ARHGAP24: variants seen among roughly 807,000 people sequenced by gnomAD.
ARHGAP24 encodes rho GTPase-activating protein 24.
ARHGAP24 carries 50 observed loss-of-function variants against 76.4 expected under a neutral mutation model. The ratio of observed to expected loss-of-function variants is 0.65; its 90% CI spans 0.52 to 0.83. The LOEUF (loss-of-function observed/expected upper bound fraction) is 0.83. Among genes scored for constraint, ARHGAP24 ranks in the 40% least tolerant of loss-of-function variants. The pLI is 0.00. For synonymous variants in ARHGAP24, 345 were observed against 323.3 expected, an observed-to-expected ratio of 1.07 and a Z score of -0.72; for missense variants, 930 against 914.2, an observed-to-expected ratio of 1.02 and a Z score of -0.22.
intron 3 of ARHGAP24, among the ~76,000 whole-genome samples, chr4:85,783,591 A>C (rs1325363294): frequency 3.9e-5 from 6 of 152,116 alleles, no homozygotes; most frequent in African/African-American, 1.4e-4. Context: ...TGACAAATAC[A>C]TAAGGGGGCA....
chr4:85,729,450 T>G (rs1725306005), intron 3 of ARHGAP24, among the ~76,000 whole-genome samples: 1 of 152,212 alleles, frequency 6.6e-6, no homozygotes, highest in Admixed American at 6.5e-5. Flanking sequence ...TTTTAATCCT[T>G]TGGAATTCTG....
At chr4:85,848,740 A>G (rs1019328159) in intron 3 of ARHGAP24, among the ~76,000 whole-genome samples, 12 of 152,268 alleles carry the variant, frequency 7.9e-5, no homozygotes, top group African/African-American at 2.6e-4. Flanking sequence ...CAGCTTTGTC[A>G]AAGATCAGAT....
chr4:85,914,134 T>C (rs1348153419), intron 3 of ARHGAP24, among the ~76,000 whole-genome samples: 1 of 152,218 alleles, frequency 6.6e-6, no homozygotes, highest in Non-Finnish European at 1.5e-5. Context: ...TCATTTACAA[T>C]GCAAATAGGC....
chr4:85,858,575 G>C (rs1731713952), intron 3 of ARHGAP24, among the ~76,000 whole-genome samples: 1 of 152,096 alleles, frequency 6.6e-6, no homozygotes, highest in African/African-American at 2.4e-5. Flanking sequence ...AATGCTCTAT[G>C]CAAATGTTAA....
chr4:85,602,319 G>A (rs181750592), intron 2 of ARHGAP24, among the ~76,000 whole-genome samples: 26 of 152,250 alleles, frequency 1.7e-4, no homozygotes, highest in Middle Eastern at 3.4e-3. Context: ...TGATTAAAAC[G>A]CAAAAATTTA....
intron 3 of ARHGAP24, among the ~76,000 whole-genome samples, chr4:85,766,387 T>G (rs1272838890): frequency 6.6e-6 from 1 of 152,138 alleles, no homozygotes; most frequent in African/African-American, 2.4e-5. Flanking sequence ...CCATAGCATC[T>G]CTAGGTTTTT....
At chr4:85,921,006 A>G (rs1735691402) in intron 3 of ARHGAP24, among the ~76,000 whole-genome samples, 1 of 152,210 alleles carries the variant, frequency 6.6e-6, no homozygotes, top group African/African-American at 2.4e-5. Flanking sequence ...ATACCATCTG[A>G]CCAAGCAATC....
chr4:85,950,053 G>A (rs754422566), intron 5 of ARHGAP24, among the ~76,000 whole-genome samples: 9 of 152,144 alleles, frequency 5.9e-5, no homozygotes, highest in African/African-American at 1.4e-4. Flanking sequence ...TCTTGAGGAC[G>A]TAACATTTGA....
intron 3 of ARHGAP24, among the ~76,000 whole-genome samples, chr4:85,861,884 C>T (rs1731922546): frequency 6.6e-6 from 1 of 152,030 alleles, no homozygotes; most frequent in Non-Finnish European, 1.5e-5. Context: ...CACACAACAC[C>T]TCCCACTCCA....
chr4:85,886,880 C>T (rs1733596747), intron 3 of ARHGAP24, among the ~76,000 whole-genome samples: 1 of 152,062 alleles, frequency 6.6e-6, no homozygotes, highest in Non-Finnish European at 1.5e-5. Flanking sequence ...TGTATTTGTT[C>T]TATGCATAGA....
At chr4:85,931,351 T>C (rs1736322196) in intron 4 of ARHGAP24, among the ~76,000 whole-genome samples, 1 of 152,086 alleles carries the variant, frequency 6.6e-6, no homozygotes, top group Non-Finnish European at 1.5e-5. Flanking sequence ...GCCAGAGTGA[T>C]CTTGGGCCCT....
intron 2 of ARHGAP24, among the ~76,000 whole-genome samples, chr4:85,627,935 A>G (rs1415098837): frequency 1.3e-5 from 2 of 152,114 alleles, no homozygotes; most frequent in Non-Finnish European, 2.9e-5. Context: ...AAAGCGCAGT[A>G]TTAGGGTGGG....
intron 2 of ARHGAP24, among the ~76,000 whole-genome samples, chr4:85,702,276 GCC>G (rs1406148111): frequency 1.3e-5 from 2 of 152,104 alleles, no homozygotes; most frequent in Non-Finnish European, 2.9e-5. Context: ...AAATACAGAA[GCC>G]AAACAAGTTT....
intron 2 of ARHGAP24, among the ~76,000 whole-genome samples, chr4:85,666,053 A>G (rs1722602064): frequency 6.6e-6 from 1 of 152,074 alleles, no homozygotes. Flanking sequence ...CTGAATCTGA[A>G]TTTTGGCCTG....
At chr4:85,742,565 T>C (rs1560611384) in intron 3 of ARHGAP24, among the ~76,000 whole-genome samples, 1 of 152,240 alleles carries the variant, frequency 6.6e-6, no homozygotes, top group Non-Finnish European at 1.5e-5. Flanking sequence ...TAATTGAATG[T>C]CTGCATCAGA....
At chr4:85,775,262 G>A (rs1197964084) in intron 3 of ARHGAP24, among the ~76,000 whole-genome samples, 1 of 152,148 alleles carries the variant, frequency 6.6e-6, no homozygotes, top group Non-Finnish European at 1.5e-5. Flanking sequence ...AGATCATTCT[G>A]TGAAAATATG....
At chr4:85,645,621 G>C (rs548293837) in intron 2 of ARHGAP24, among the ~76,000 whole-genome samples, 13 of 152,130 alleles carry the variant, frequency 8.5e-5, no homozygotes, top group African/African-American at 2.9e-4. Flanking sequence ...TCAAACCTGC[G>C]TGTCCATCTT....
chr4:85,535,922 C>T (rs1409585746), intron 1 of ARHGAP24, among the ~76,000 whole-genome samples: 1 of 152,112 alleles, frequency 6.6e-6, no homozygotes, highest in African/African-American at 2.4e-5. Flanking sequence ...ATGTCAAAAA[C>T]ATGAGGGCTC....
intron 1 of ARHGAP24, among the ~76,000 whole-genome samples, chr4:85,521,340 T>A (rs929772405): frequency 8.7e-5 from 9 of 103,462 alleles, no homozygotes; most frequent in Non-Finnish European, 1.5e-4. Flanking sequence ...TTACATAGTG[T>A]CTAAGAGTGG....
Sources: gnomAD v4.1 joint callset for allele counts (sites outside exome capture counted in the v4.1 genomes callset) on GRCh38, gnomAD v4.1.1 for gene constraint, MANE v1.5 for transcripts, NCBI Gene and HGNC (gene_info 2026-07-23, HGNC 2026-07-21) for gene names.